The following SPSB4 variants were observed in gnomAD, a reference collection of about 807,000 sequenced individuals.
The protein encoded by SPSB4 is SPRY domain-containing SOCS box protein 4.
Under a neutral mutation model 20.9 loss-of-function variants are expected in SPSB4, and 21 were observed. The observed-to-expected ratio is 1.01, with a 90% CI of 0.71 to 1.45. The LOEUF (loss-of-function observed/expected upper bound fraction) is 1.45. Among genes scored for constraint, SPSB4 ranks in the 40% most tolerant of loss-of-function variants. The pLI is 0.00. For synonymous variants in SPSB4, 207 were observed against 183.8 expected, an observed-to-expected ratio of 1.13 and a Z score of -1.02; for missense variants, 399 against 399.2, an observed-to-expected ratio of 1.00 and a Z score of 0.00.
intron 2 of SPSB4, among the ~76,000 whole-genome samples, chr3:141,109,494 C>A (rs1938759335): frequency 6.6e-6 from 1 of 152,080 alleles, no homozygotes; most frequent in South Asian, 2.1e-4. Flanking sequence ...CCAGCCAGAT[C>A]CACTTCCTTG....
chr3:141,102,461 G>A (rs1576531599), intron 2 of SPSB4, among the ~76,000 whole-genome samples: 1 of 152,208 alleles, frequency 6.6e-6, no homozygotes, highest in African/African-American at 2.4e-5. Context: ...GAGAGCCAGA[G>A]AAGGCCAATC....
chr3:141,144,292 T>G (rs1203464600), intron 2 of SPSB4, among the ~76,000 whole-genome samples: 3 of 152,260 alleles, frequency 2.0e-5, no homozygotes, highest in African/African-American at 7.2e-5. Flanking sequence ...TTGAGCACTT[T>G]TACATATGTT....
intron 1 of SPSB4, among the ~76,000 whole-genome samples, chr3:141,052,603 T>A (rs181089317): frequency 1.3e-5 from 2 of 152,076 alleles, no homozygotes; most frequent in African/African-American, 2.4e-5. Flanking sequence ...AAAGCACGGG[T>A]CACGCAATAG....
At chr3:141,119,641 T>C (rs1938932823) in intron 2 of SPSB4, among the ~76,000 whole-genome samples, 1 of 152,132 alleles carries the variant, frequency 6.6e-6, no homozygotes, top group Admixed American at 6.6e-5. Flanking sequence ...CATAAATAGC[T>C]CTTATTATTT....
intron 2 of SPSB4, among the ~76,000 whole-genome samples, chr3:141,096,216 C>A (rs4615052): frequency 0.065 from 9,958 of 152,092 alleles, 1,071 homozygotes; most frequent in African/African-American, 0.22. Context: ...ACCCAGGGCC[C>A]CAGGGGGAAA....
chr3:141,066,620 G>A lies in SPSB4; in HGVS notation c.516G>A (p.Ala172=), dbSNP rs764308690. ...TTCTGGGGCCCGACGAGGCCTTTGC[G>A]CTGCCCGACTCGCTGCTCGTGGTGC... is the stretch of plus-strand genomic sequence containing the variant. ...PAFLGPDEAF[A]LPDSLLVVLD... is the part of the protein sequence containing the mutation. The change falls in exon 2 of 3, where the codon GCG becomes GCA. Residue 172 remains alanine (A), a synonymous_variant. Coordinates refer to ENST00000310546, the MANE Select transcript of SPSB4 (RefSeq NM_080862.3). 6 of 1,604,560 alleles carry A rather than the reference G, an allele frequency of 3.7e-6. No homozygotes were observed. In the South Asian group the frequency reaches 4.5e-5, roughly 12 times the overall value.
At chr3:141,077,501 C>T (rs1938140192) in intron 2 of SPSB4, 1 of 152,252 alleles carries the variant, frequency 6.6e-6, no homozygotes, top group Admixed American at 6.5e-5. Flanking sequence ...TGAGTCGATC[C>T]AGGGAGCCAC....
At chr3:141,063,147 A>G (rs533806926) in intron 1 of SPSB4, among the ~76,000 whole-genome samples, 1 of 152,300 alleles carries the variant, frequency 6.6e-6, no homozygotes, top group African/African-American at 2.4e-5. Flanking sequence ...CCTGAAATCA[A>G]CTTTACTTGC....
At chr3:141,105,517 C>G (rs929402572) in intron 2 of SPSB4, among the ~76,000 whole-genome samples, 1 of 152,232 alleles carries the variant, frequency 6.6e-6, no homozygotes, top group African/African-American at 2.4e-5. Flanking sequence ...CAAACACCTA[C>G]TATATGCTGC....
chr3:141,075,137 G>GTAATGCAGTTTCTGAGTCCA (rs1410113293), intron 2 of SPSB4, among the ~76,000 whole-genome samples: 34 of 151,840 alleles, frequency 2.2e-4, no homozygotes, highest in Admixed American at 1.9e-3. Context: ...TTCTGAGTCC[G>GTAATGCAGTTTCTGAGTCCA]TATTGAAAAA....
In SPSB4 at chr3:141,066,209, G is replaced by A. The variant is rs755445334; in HGVS notation, c.105G>A (p.Ala35=). The change falls in exon 2 of 3, where the codon GCG becomes GCA. Residue 35 remains alanine (A), a synonymous_variant. Coordinates refer to ENST00000310546, the MANE Select transcript of SPSB4 (RefSeq NM_080862.3). ...ELRGAEPGRP[A]RLDQLLDMPA... is the part of the protein sequence containing the mutation. ...GGGGTGCAGAGCCCGGGCGGCCGGC[G>A]CGGCTGGACCAGCTGTTGGACATGC... 1.7e-4 allele frequency: 258 copies of A among 1,534,982 alleles called. 1 individual carries two copies. The highest frequency in any genetic ancestry group is 2.2e-4 in the Non-Finnish European group (247 of 1,142,886).
At chr3:141,057,278 T>G (rs1937666630) in intron 1 of SPSB4, among the ~76,000 whole-genome samples, 1 of 152,222 alleles carries the variant, frequency 6.6e-6, no homozygotes, top group African/African-American at 2.4e-5. Context: ...TGAGCATCTT[T>G]AATAAAACAG....
chr3:141,079,837 GA>G (rs1422117149), intron 2 of SPSB4, among the ~76,000 whole-genome samples: 1 of 152,192 alleles, frequency 6.6e-6, no homozygotes, highest in Non-Finnish European at 1.5e-5. Flanking sequence ...TGATGAGGCA[GA>G]GGGAGCCATG....
chr3:141,082,596 A>G (rs1477229583), intron 2 of SPSB4, among the ~76,000 whole-genome samples: 1 of 151,854 alleles, frequency 6.6e-6, no homozygotes, highest in Non-Finnish European at 1.5e-5. Context: ...TTTGATGATT[A>G]TCTCCTTGCC....
rs1434598164 is a variant in SPSB4 at position 141,125,473 on chromosome 3, C to T, written c.695-21669C>T. 2.0e-5 allele frequency among the ~76,000 whole-genome samples: 3 copies of T among 152,176 alleles called. No individual in the cohort carries two copies. In the East Asian group the frequency reaches 5.8e-4, roughly 29 times the overall value. On this transcript the variant is annotated intron_variant, in intron 2 of 2. Coordinates refer to ENST00000310546, the MANE Select transcript of SPSB4 (RefSeq NM_080862.3). ...TCAGAAGGTTCAGAACCCTGAAGACCAGGACTCCCATGCCTCCTCCTCATA... is the reference window on the plus strand; with the variant it reads ...TCAGAAGGTTCAGAACCCTGAAGACTAGGACTCCCATGCCTCCTCCTCATA...
intron 2 of SPSB4, among the ~76,000 whole-genome samples, chr3:141,076,634 G>C (rs1938115192): frequency 6.6e-6 from 1 of 152,222 alleles, no homozygotes; most frequent in Non-Finnish European, 1.5e-5. Context: ...AGGCCTGAGG[G>C]ACATGAAGAG....
intron 2 of SPSB4, among the ~76,000 whole-genome samples, chr3:141,090,501 C>CA (rs1268321267): frequency 2.6e-5 from 4 of 151,618 alleles, no homozygotes; most frequent in East Asian, 1.9e-4. Flanking sequence ...GATATTTAAG[C>CA]AAAAAAAACT....
At chr3:141,110,559 A>T (rs538356717) in intron 2 of SPSB4, among the ~76,000 whole-genome samples, 2 of 152,324 alleles carry the variant, frequency 1.3e-5, no homozygotes, top group Non-Finnish European at 2.9e-5. Context: ...TTCAAACAAC[A>T]AAGGTTTGTT....
At chr3:141,079,643 C>T (rs1445192374) in intron 2 of SPSB4, among the ~76,000 whole-genome samples, 1 of 152,132 alleles carries the variant, frequency 6.6e-6, no homozygotes, top group African/African-American at 2.4e-5. Flanking sequence ...CAGTGGTGGG[C>T]AAGGCAGGTC....
Sources: gnomAD v4.1 joint callset for allele counts (sites outside exome capture counted in the v4.1 genomes callset) on GRCh38, gnomAD v4.1.1 for gene constraint, MANE v1.5 for transcripts, NCBI Gene and HGNC (gene_info 2026-07-23, HGNC 2026-07-21) for gene names.